The following SOAT1 variants were observed in gnomAD, a reference collection of about 807,000 sequenced individuals.
SOAT1 encodes the protein sterol O-acyltransferase 1, also known as acyl-coenzyme A:cholesterol acyltransferase 1.
Under a neutral mutation model 69.5 loss-of-function variants are expected in SOAT1, and 55 were observed. That is an observed-to-expected ratio of 0.79 (90% CI 0.64 to 0.99). SOAT1 has a LOEUF of 0.99. SOAT1 is among the 50% of genes least tolerant of loss of function. The probability of loss-of-function intolerance (pLI) is 0.00; values close to 1 mark genes in which losing one functional copy is unlikely to be tolerated. For missense variants in SOAT1, 580 were observed against 669.3 expected, an observed-to-expected ratio of 0.87 and a Z score of 1.47; for synonymous variants, 231 against 224.7, an observed-to-expected ratio of 1.03 and a Z score of -0.25.
chr1:179,306,830 C>CAAAAAAAA lies in SOAT1; in HGVS notation c.118+4041_118+4048dup. Among the ~76,000 whole-genome samples, 2 of 96,654 alleles carry CAAAAAAAA rather than the reference C, an allele frequency of 2.1e-5. 1 individual carries two copies. The highest frequency in any genetic ancestry group is 3.8e-5 in the Non-Finnish European group (2 of 52,108). 63.4% of individuals were successfully genotyped at this position (96,654 alleles called of 152,430 possible). The stretch of plus-strand genomic sequence containing the variant: ...TGGGCAACAGTGTGAGACTCCATCT[C>CAAAAAAAA]AAAAAAAAAAAAAAAAAAAAGCAGC... On this transcript the variant is annotated intron_variant, in intron 2 of 15. Coordinates refer to ENST00000367619, the MANE Select transcript of SOAT1 (RefSeq NM_003101.6).
chr1:179,297,397 C>T (rs1218171265), intron 1 of SOAT1, among the ~76,000 whole-genome samples: 1 of 152,034 alleles, frequency 6.6e-6, no homozygotes, highest in Non-Finnish European at 1.5e-5. Context: ...AGTGCAGTGG[C>T]GCGATCTCGG....
chr1:179,322,404 A>G (rs1254647569), intron 2 of SOAT1, among the ~76,000 whole-genome samples: 2 of 150,336 alleles, frequency 1.3e-5, no homozygotes, highest in East Asian at 3.9e-4. Context: ...TTTTTTTGAG[A>G]CAGAGTCTCA....
At chr1:179,309,811 A>G (rs1022913021) in intron 2 of SOAT1, among the ~76,000 whole-genome samples, 25 of 151,970 alleles carry the variant, frequency 1.6e-4, no homozygotes, top group African/African-American at 5.6e-4. Context: ...TTGCTTATGT[A>G]TGTGTGCTTT....
At chr1:179,312,113 A>G (rs1665238378) in intron 2 of SOAT1, among the ~76,000 whole-genome samples, 1 of 152,236 alleles carries the variant, frequency 6.6e-6, no homozygotes, top group Non-Finnish European at 1.5e-5. Flanking sequence ...GTTTCCAACT[A>G]CTTTTGTGAG....
intron 1 of SOAT1, among the ~76,000 whole-genome samples, chr1:179,301,024 G>A (rs375253405): frequency 3.9e-4 from 59 of 152,266 alleles, no homozygotes; most frequent in African/African-American, 1.4e-3. Flanking sequence ...GAACCCAGGA[G>A]GCGGAGGTTG....
At chr1:179,334,744 G>A (rs1398126528) in intron 3 of SOAT1, among the ~76,000 whole-genome samples, 3 of 152,106 alleles carry the variant, frequency 2.0e-5, no homozygotes, top group Non-Finnish European at 2.9e-5. Context: ...GGCCAGGTGC[G>A]GTGGCTTGTG....
chr1:179,343,565 T>G lies in SOAT1; in HGVS notation c.942-25T>G, dbSNP rs575315237. 2.2e-5 allele frequency: 35 copies of G among 1,591,950 alleles called. No individual in the cohort carries two copies. The East Asian group carries it at 7.6e-4, about 35-fold the overall frequency. ...AGTTCAATTACTTTATTTAGAAACC[T>G]TATTTTTGTTTCTTTCTTTTTCAGG... On this transcript the variant is annotated intron_variant, in intron 9 of 15. Coordinates refer to ENST00000367619, the MANE Select transcript of SOAT1 (RefSeq NM_003101.6).
chr1:179,344,574 C>T (rs1488413956), intron 10 of SOAT1, among the ~76,000 whole-genome samples: 1 of 151,834 alleles, frequency 6.6e-6, no homozygotes, highest in Non-Finnish European at 1.5e-5. Flanking sequence ...GGGGTTTCAC[C>T]ATGTTGGCCA....
At chr1:179,334,962 C>T (rs1374263241) in intron 3 of SOAT1, among the ~76,000 whole-genome samples, 1 of 142,380 alleles carries the variant, frequency 7.0e-6, no homozygotes, top group Non-Finnish European at 1.5e-5. Context: ...TTGCGGTGAG[C>T]CGAGATCGTG....
chr1:179,324,435 A>G (rs1166408194), intron 3 of SOAT1, among the ~76,000 whole-genome samples: 1 of 152,212 alleles, frequency 6.6e-6, no homozygotes, highest in African/African-American at 2.4e-5. Context: ...ACATTAAGAG[A>G]TCTACCCTGT....
At chr1:179,325,520 G>A (rs1665759224) in intron 3 of SOAT1, among the ~76,000 whole-genome samples, 1 of 152,096 alleles carries the variant, frequency 6.6e-6, no homozygotes, top group Admixed American at 6.6e-5. Context: ...AGTCAGGCAG[G>A]ATACCTACAT....
At chr1:179,314,988 A>G (rs1369519949) in intron 2 of SOAT1, among the ~76,000 whole-genome samples, 1 of 152,194 alleles carries the variant, frequency 6.6e-6, no homozygotes, top group Non-Finnish European at 1.5e-5. Flanking sequence ...TAAGTTTCAG[A>G]TAGCAAATAA....
At chr1:179,333,568 C>T (rs983611230) in intron 3 of SOAT1, among the ~76,000 whole-genome samples, 2 of 152,052 alleles carry the variant, frequency 1.3e-5, no homozygotes, top group South Asian at 2.1e-4. Flanking sequence ...AGGCGGGGCA[C>T]GGTGGCTCAC....
chr1:179,325,976 A>C (rs2244570), intron 3 of SOAT1, among the ~76,000 whole-genome samples: 149,731 of 152,238 alleles, frequency 0.98, 73,687 homozygotes, highest in Middle Eastern at 1. Flanking sequence ...TGGTTTAGCT[A>C]GTATTAATAT....
chr1:179,325,578 C>T (rs1665761045), intron 3 of SOAT1, among the ~76,000 whole-genome samples: 1 of 152,132 alleles, frequency 6.6e-6, no homozygotes, highest in Non-Finnish European at 1.5e-5. Context: ...TTTGCTCCTC[C>T]TCTTCTTATC....
At chr1:179,337,689 G>T (rs942992193) in intron 4 of SOAT1, 148 bp from the exon 5 acceptor site, 3 of 525,938 alleles carry the variant, frequency 5.7e-6, no homozygotes, top group South Asian at 5.7e-5. Flanking sequence ...GCTGGGCATG[G>T]TGGCGGGCAT....
At chr1:179,308,311 C>T (rs1405864505) in intron 2 of SOAT1, among the ~76,000 whole-genome samples, 1 of 152,066 alleles carries the variant, frequency 6.6e-6, no homozygotes, top group Non-Finnish European at 1.5e-5. Flanking sequence ...ATACAGGCAG[C>T]CTACACAGTT....
intron 2 of SOAT1, among the ~76,000 whole-genome samples, chr1:179,316,299 G>A (rs1461904493): frequency 6.6e-6 from 1 of 151,344 alleles, no homozygotes; most frequent in Non-Finnish European, 1.5e-5. Flanking sequence ...TGTAATTGCA[G>A]TACTTGCGTA....
Position 179,341,292 on chromosome 1 carries a change from C to T in SOAT1, c.762C>T (p.Phe254=), listed in dbSNP as rs763703402. The T allele has an allele frequency of 6.2e-7, 1 of 1,613,986 alleles. No individual in the cohort carries two copies. Among genetic ancestry groups the T allele is most frequent in the Non-Finnish European group, 8.5e-7 (1 of 1,179,976 alleles). The change falls in exon 7 of 16, where the codon TTC becomes TTT. Residue 254 remains phenylalanine (F), a synonymous_variant. Transcript: ENST00000367619. ...LAYTLPPASR[F]IIIFEQIRFV... ...ATACACTGCCACCAGCTTCCCGGTT[C>T]ATCATTATATTCGAGCAGGTAAGGT...
Sources: allele counts gnomAD v4.1 joint callset (sites outside exome capture counted in the v4.1 genomes callset), GRCh38; gene constraint gnomAD v4.1.1; transcripts MANE v1.5; gene names NCBI Gene and HGNC (gene_info 2026-07-23, HGNC 2026-07-21).